Variants in SCAPER observed in about 807,000 individuals in gnomAD.
SCAPER encodes S-phase cyclin A associated protein in the ER, also known as S phase cyclin A-associated protein in the endoplasmic reticulum.
SCAPER carries 98 observed loss-of-function variants against 182.2 expected under a neutral mutation model. The ratio of observed to expected loss-of-function variants is 0.54; its 90% CI spans 0.46 to 0.64. SCAPER has a LOEUF of 0.64. Ranked by LOEUF, SCAPER falls within the 30% of genes least tolerant of loss-of-function variation. The pLI is 0.00. For synonymous variants in SCAPER, 605 were observed against 564.6 expected, an observed-to-expected ratio of 1.07 and a Z score of -1.01; for missense variants, 1,432 against 1,690.0, an observed-to-expected ratio of 0.85 and a Z score of 2.68.
Position 76,543,560 on chromosome 15 carries a change from G to C in SCAPER, c.2838+30598C>G, listed in dbSNP as rs2044978972. The stretch of plus-strand genomic sequence containing the variant: ...TAACTCCTACCAATGCTGAAATCTG[G>C]AAACTAGATATATCTGCTACCCTTA... On this transcript the variant is annotated intron_variant, in intron 23 of 31. Transcript: ENST00000563290. Among the ~76,000 whole-genome samples the C allele has an allele frequency of 2.0e-5, 3 of 152,128 alleles. No individual in the cohort carries two copies. In the South Asian group the frequency reaches 6.2e-4, roughly 32 times the overall value.
rs143580407 is a variant in SCAPER, at chr15:76,880,807, C to A, written c.6+3005G>T. On this transcript the variant is annotated intron_variant, in intron 2 of 31. Coordinates refer to ENST00000563290, the MANE Select transcript of SCAPER (RefSeq NM_020843.4). ...ACATGTATATACATATAAATGTATA[C>A]ATTCATTTTGAAAATATAAAAGATA... Among the ~76,000 whole-genome samples the A allele has an allele frequency of 5.3e-3, 806 of 151,336 alleles. 3 individuals carry two copies. Among genetic ancestry groups the A allele is most frequent in the Non-Finnish European group, 9.2e-3 (626 of 67,878 alleles).
chr15:76,782,130 T>A (rs1163639825), intron 8 of SCAPER, among the ~76,000 whole-genome samples: 1 of 152,054 alleles, frequency 6.6e-6, no homozygotes, highest in Non-Finnish European at 1.5e-5. Context: ...GTGTGCTGTA[T>A]GCAGGAGACC....
chr15:76,709,763 C>T (rs1417458469), intron 17 of SCAPER, among the ~76,000 whole-genome samples: 1 of 152,104 alleles, frequency 6.6e-6, no homozygotes, highest in African/African-American at 2.4e-5. Context: ...CAGATAAATA[C>T]CCCTCATGAA....
chr15:76,831,886 T>C (rs2068521550), intron 5 of SCAPER, among the ~76,000 whole-genome samples: 1 of 152,062 alleles, frequency 6.6e-6, no homozygotes, highest in South Asian at 2.1e-4. Flanking sequence ...TGAGGCTTGG[T>C]GGCCTGAAAG....
At chr15:76,391,944 T>C (rs1373422173) in intron 27 of SCAPER, among the ~76,000 whole-genome samples, 1 of 152,166 alleles carries the variant, frequency 6.6e-6, no homozygotes, top group Non-Finnish European at 1.5e-5. Context: ...CTGGATTGGA[T>C]TCTGGGAAAG....
intron 22 of SCAPER, chr15:76,586,838 C>T (rs1157040915): frequency 2.0e-5 from 3 of 151,722 alleles, no homozygotes; most frequent in South Asian, 4.2e-4. Context: ...GGGAGGATTC[C>T]CTCTTTCTCT....
intron 24 of SCAPER, among the ~76,000 whole-genome samples, chr15:76,494,579 G>C (rs913550025): frequency 1.3e-5 from 2 of 152,080 alleles, no homozygotes; most frequent in African/African-American, 4.8e-5. Flanking sequence ...AAAGTTTTAT[G>C]TTCATAAATC....
intron 9 of SCAPER, among the ~76,000 whole-genome samples, chr15:76,774,631 T>C (rs1017456235): frequency 1.3e-5 from 2 of 152,164 alleles, no homozygotes; most frequent in Admixed American, 1.3e-4. Context: ...ATGTGTAATA[T>C]GTAACAAGAG....
intron 24 of SCAPER, chr15:76,472,441 TA>T: frequency 1.8e-6 from 1 of 570,730 alleles, no homozygotes. Context: ...CGAAGTTTTA[TA>T]AAAATGCAAA....
chr15:76,574,766 T>C (rs1188539697), intron 22 of SCAPER, among the ~76,000 whole-genome samples: 2 of 152,234 alleles, frequency 1.3e-5, no homozygotes, highest in African/African-American at 4.8e-5. Context: ...TATCATTTAC[T>C]TAGACGACAG....
intron 26 of SCAPER, among the ~76,000 whole-genome samples, chr15:76,412,237 G>A (rs1596488308): frequency 6.6e-6 from 1 of 152,022 alleles, no homozygotes; most frequent in East Asian, 1.9e-4. Context: ...ATGATAGATG[G>A]GGTTATATGA....
chr15:76,793,167 A>G (rs1484394420), intron 8 of SCAPER: 3 of 1,004,252 alleles, frequency 3.0e-6, no homozygotes, highest in Non-Finnish European at 4.4e-6. Context: ...ATTATTTTTT[A>G]TAACACAAAA....
intron 1 of SCAPER, among the ~76,000 whole-genome samples, chr15:76,898,195 C>T (rs73457158): frequency 6.6e-6 from 1 of 152,040 alleles, no homozygotes; most frequent in African/African-American, 2.4e-5. Flanking sequence ...ATATCAAAGC[C>T]ACAATGAGAC....
chr15:76,515,644 A>AT (rs559400514), intron 23 of SCAPER, among the ~76,000 whole-genome samples: 11 of 152,186 alleles, frequency 7.2e-5, no homozygotes, highest in Non-Finnish European at 1.6e-4. Context: ...TCTCTCCATC[A>AT]TAACACTTTT....
intron 20 of SCAPER, among the ~76,000 whole-genome samples, chr15:76,700,971 G>GC (rs1300254876): frequency 6.6e-6 from 1 of 151,960 alleles, no homozygotes; most frequent in African/African-American, 2.4e-5. Flanking sequence ...CATAAGAGGA[G>GC]CCCAAAGGGT....
intron 8 of SCAPER, among the ~76,000 whole-genome samples, chr15:76,790,230 C>A (rs1379227570): frequency 6.5e-4 from 91 of 140,504 alleles, no homozygotes; most frequent in East Asian, 1.4e-3. Flanking sequence ...GACTCCATCT[C>A]AAAAAAAAAA....
At chr15:76,823,124 A>T (rs1222743209) in intron 5 of SCAPER, among the ~76,000 whole-genome samples, 1 of 152,176 alleles carries the variant, frequency 6.6e-6, no homozygotes, top group Non-Finnish European at 1.5e-5. Context: ...CACACTCAAA[A>T]ACCTCAAAAA....
intron 24 of SCAPER, among the ~76,000 whole-genome samples, chr15:76,492,189 G>A (rs1187291864): frequency 2.0e-5 from 3 of 152,160 alleles, no homozygotes; most frequent in Admixed American, 2.0e-4. Flanking sequence ...TCCCCAAAGT[G>A]AAGAAATCAT....
At chr15:76,865,183 C>T (rs964281695) in intron 2 of SCAPER, among the ~76,000 whole-genome samples, 2 of 152,068 alleles carry the variant, frequency 1.3e-5, no homozygotes, top group Non-Finnish European at 2.9e-5. Flanking sequence ...AGAAGCTCTG[C>T]AAACCCCAAA....
Sources: allele counts gnomAD v4.1 joint callset (sites outside exome capture counted in the v4.1 genomes callset), GRCh38; gene constraint gnomAD v4.1.1; transcripts MANE v1.5; gene names NCBI Gene and HGNC (gene_info 2026-07-23, HGNC 2026-07-21).